The following SEPTIN11 variants were observed in gnomAD, a reference collection of about 807,000 sequenced individuals.
SEPTIN11 encodes the protein septin-11.
Under a neutral mutation model 51.4 loss-of-function variants are expected in SEPTIN11, and 25 were observed. The observed-to-expected ratio is 0.49, with a 90% CI of 0.35 to 0.68. The LOEUF is 0.68. Ranked by LOEUF, SEPTIN11 falls within the 30% of genes least tolerant of loss-of-function variation. SEPTIN11 has a pLI of 0.00. For missense variants in SEPTIN11, 381 were observed against 520.8 expected, an observed-to-expected ratio of 0.73 and a Z score of 2.61; for synonymous variants, 174 against 184.1, an observed-to-expected ratio of 0.95 and a Z score of 0.44.
chr4:76,950,063 G>C, intron 1 of SEPTIN11, 133 bp downstream of exon 1: 1 of 952,738 alleles, frequency 1.0e-6, no homozygotes, highest in Non-Finnish European at 1.4e-6. Context: ...GTGGGTGTGT[G>C]CACGAATTTG....
chr4:77,033,645 C>T (rs1310182174), intron 9 of SEPTIN11, among the ~76,000 whole-genome samples: 2 of 152,110 alleles, frequency 1.3e-5, no homozygotes, highest in Non-Finnish European at 2.9e-5. Context: ...GTGGGACTGC[C>T]CAGGGGTAAG....
At chr4:77,001,352 T>C (rs933135505) in intron 2 of SEPTIN11, among the ~76,000 whole-genome samples, 5 of 22,512 alleles carry the variant, frequency 2.2e-4, no homozygotes, top group South Asian at 1.4e-3. Context: ...TCAATTAACT[T>C]TTTTTTTTTT....
chr4:76,952,981 A>G (rs192615883), intron 1 of SEPTIN11, among the ~76,000 whole-genome samples: 1 of 152,326 alleles, frequency 6.6e-6, no homozygotes, highest in East Asian at 1.9e-4. Context: ...TCAGTTTAAA[A>G]ACTCTAGGAG....
At chr4:77,017,886 T>TCTCTA (rs1175800781) in intron 5 of SEPTIN11, among the ~76,000 whole-genome samples, 1 of 152,214 alleles carries the variant, frequency 6.6e-6, no homozygotes, top group African/African-American at 2.4e-5. Flanking sequence ...TTGGACACCA[T>TCTCTA]CTCTACTTCA....
At chr4:76,988,079 G>A (rs1481036795) in intron 1 of SEPTIN11, among the ~76,000 whole-genome samples, 1 of 152,136 alleles carries the variant, frequency 6.6e-6, no homozygotes, top group Non-Finnish European at 1.5e-5. Flanking sequence ...AAGACTATTT[G>A]TTTTCATCTG....
intron 1 of SEPTIN11, among the ~76,000 whole-genome samples, chr4:76,983,259 A>G (rs1246225694): frequency 6.6e-6 from 1 of 152,188 alleles, no homozygotes; most frequent in East Asian, 1.9e-4. Flanking sequence ...TTGACATGTG[A>G]GAGGGACACA....
intron 1 of SEPTIN11, among the ~76,000 whole-genome samples, chr4:76,966,675 A>C (rs1722048583): frequency 1.3e-5 from 2 of 151,920 alleles, no homozygotes; most frequent in South Asian, 4.2e-4. Context: ...CAGCCCCGGC[A>C]ACATGGTGAA....
intron 1 of SEPTIN11, among the ~76,000 whole-genome samples, chr4:76,985,721 G>A (rs1169266074): frequency 6.6e-6 from 1 of 152,192 alleles, no homozygotes; most frequent in Non-Finnish European, 1.5e-5. Context: ...AGGGTCCTGG[G>A]TTCTCCCGCG....
intron 1 of SEPTIN11, among the ~76,000 whole-genome samples, chr4:76,961,078 C>A (rs954448761): frequency 6.6e-6 from 1 of 152,294 alleles, no homozygotes; most frequent in Non-Finnish European, 1.5e-5. Context: ...TAATGCTCAA[C>A]CTCCATGACT....
Position 77,034,685 on chromosome 4 carries a change from GAT to G in SEPTIN11, c.*175_*176del. ...TGAATGTTGTTGGGTGGTAGAAAAT[GAT>G]AGAACAAGGGAATAACCGCGAATGC... On this transcript the variant is annotated 3_prime_UTR_variant, in exon 10 of 10. Transcript: ENST00000264893. The G allele has an allele frequency of 1.5e-6, 2 of 1,323,706 alleles. No individual in the cohort carries two copies. Among genetic ancestry groups the G allele is most frequent in the Non-Finnish European group, 1.9e-6 (2 of 1,035,340 alleles). 82.0% of individuals were successfully genotyped at this position (1,323,706 alleles called of 1,614,324 possible).
At chr4:77,022,870 C>G (rs1725816957) in intron 7 of SEPTIN11, among the ~76,000 whole-genome samples, 2 of 143,244 alleles carry the variant, frequency 1.4e-5, no homozygotes, top group African/African-American at 2.7e-5. Context: ...GGCCCAGTGG[C>G]CTAAGTTTGC....
At chr4:76,997,639 A>G (rs1413065053) in intron 2 of SEPTIN11, among the ~76,000 whole-genome samples, 2 of 151,914 alleles carry the variant, frequency 1.3e-5, no homozygotes, top group East Asian at 1.9e-4. Flanking sequence ...AACACAGCCA[A>G]CTCTCATCTC....
chr4:76,951,040 G>A (rs1409893704), intron 1 of SEPTIN11, among the ~76,000 whole-genome samples: 1 of 152,136 alleles, frequency 6.6e-6, no homozygotes, highest in East Asian at 1.9e-4. Context: ...GCAGCTGCAG[G>A]TGGTGGCTCG....
intron 1 of SEPTIN11, among the ~76,000 whole-genome samples, chr4:76,995,085 TAAA>T (rs34406268): frequency 2.2e-5 from 3 of 137,082 alleles, no homozygotes. Context: ...ACCCTGTCTC[TAAA>T]AAAAAAAAAA....
At chr4:76,976,361 A>G (rs1722503700) in intron 1 of SEPTIN11, among the ~76,000 whole-genome samples, 1 of 152,058 alleles carries the variant, frequency 6.6e-6, no homozygotes, top group Admixed American at 6.5e-5. Context: ...GTGATTCCCT[A>G]ATTGCTGCAT....
chr4:76,977,300 T>C (rs1722545945), intron 1 of SEPTIN11, among the ~76,000 whole-genome samples: 1 of 152,202 alleles, frequency 6.6e-6, no homozygotes, highest in Non-Finnish European at 1.5e-5. Flanking sequence ...TGTTAGGAAA[T>C]CAACAAAACA....
At chr4:77,018,178 G>A (rs1188024788) in intron 5 of SEPTIN11, among the ~76,000 whole-genome samples, 2 of 152,096 alleles carry the variant, frequency 1.3e-5, no homozygotes, top group Non-Finnish European at 2.9e-5. Context: ...GGTGACTCAC[G>A]CCAGCACTTT....
chr4:76,965,913 A>G (rs1014988356), intron 1 of SEPTIN11, among the ~76,000 whole-genome samples: 2 of 152,224 alleles, frequency 1.3e-5, no homozygotes, highest in African/African-American at 4.8e-5. Context: ...TCAGCTGTCT[A>G]TTGATGTAAA....
intron 9 of SEPTIN11, among the ~76,000 whole-genome samples, chr4:77,033,749 G>A (rs1214573193): frequency 2.0e-5 from 3 of 152,046 alleles, no homozygotes; most frequent in South Asian, 2.1e-4. Context: ...TTTAAAATTC[G>A]TCATTTTAAA....
Sources: allele counts gnomAD v4.1 joint callset (sites outside exome capture counted in the v4.1 genomes callset), GRCh38; gene constraint gnomAD v4.1.1; transcripts MANE v1.5; gene names NCBI Gene and HGNC (gene_info 2026-07-23, HGNC 2026-07-21).